Variants in MAN1B1 observed in about 807,000 individuals in gnomAD.
MAN1B1 encodes endoplasmic reticulum mannosyl-oligosaccharide 1,2-alpha-mannosidase.
In MAN1B1, 66 loss-of-function variants were observed where a neutral mutation model predicts 75.5. The observed-to-expected ratio is 0.87, with a 90% CI of 0.72 to 1.07. The LOEUF is 1.07. Ranked by LOEUF, MAN1B1 falls within the 50% of genes least tolerant of loss-of-function variation. The probability of loss-of-function intolerance (pLI) is 0.00; values close to 1 mark genes in which losing one functional copy is unlikely to be tolerated. For missense variants in MAN1B1, 973 were observed against 912.5 expected (o/e 1.07, Z -0.85); for synonymous variants, 453 against 382.8 (o/e 1.18, Z -2.14).
chr9:137,109,132 C>A lies in MAN1B1; in HGVS notation c.*541C>A. On this transcript the variant is annotated 3_prime_UTR_variant, in exon 13 of 13. Transcript: ENST00000371589. Reference sequence around the variant, plus strand: ...CGGCAAGTCCGTCTAGCTCACGGGCCCCTCCAGTGGAATGGGTCTTTTCGG... The same window carrying A: ...CGGCAAGTCCGTCTAGCTCACGGGCACCTCCAGTGGAATGGGTCTTTTCGG... The A allele has an allele frequency of 4.4e-6, 2 of 454,856 alleles. No homozygotes were observed. Among genetic ancestry groups the A allele is most frequent in the South Asian group, 3.1e-5 (2 of 64,474 alleles). 28.2% of individuals were successfully genotyped at this position (454,856 alleles called of 1,614,324 possible).
Position 137,087,135 on chromosome 9 carries a change from C to T in MAN1B1, c.136C>T (p.His46Tyr), listed in dbSNP as rs1442423118. ...VMYPPPPPPP[H>Y]RDFISVTLSF... ...GTACCCACCGCCGCCGCCGCCGCCT[C>T]ATCGGGACTTCATCTCGGTGACGCT... is the stretch of plus-strand genomic sequence containing the variant. Residue 46 changes from histidine (H) to tyrosine (Y), a missense_variant, in exon 1 of 13, where the codon CAT (histidine) becomes TAT (tyrosine). His to Tyr is a moderately conservative substitution (Grantham distance 83, BLOSUM62 2). Transcript: ENST00000371589. 3.1e-6 allele frequency: 5 copies of T among 1,593,870 alleles called. No homozygotes were observed. Among genetic ancestry groups the T allele is most frequent in the South Asian group, 2.3e-5 (2 of 88,096 alleles).
At chr9:137,098,334 A>G (rs1271290445) in intron 5 of MAN1B1, among the ~76,000 whole-genome samples, 1 of 152,202 alleles carries the variant, frequency 6.6e-6, no homozygotes, top group East Asian at 1.9e-4. Context: ...AGCTCAGTGC[A>G]TGACCTGAGG....
Position 137,088,949 on chromosome 9 carries a change from C to T in MAN1B1, c.409C>T (p.Pro137Ser), listed in dbSNP as rs771177123. 13 of 1,613,888 alleles carry T rather than the reference C, an allele frequency of 8.1e-6. No individual in the cohort carries two copies. The highest frequency in any genetic ancestry group is 7.6e-6 in the Non-Finnish European group (9 of 1,180,018). ...GLKPANPPVL[P>S]APQKADTDPE... ...AAAACCAGCAAATCCACCCGTCTTACCAGCTCCTCAGAAGGCGGACACCGA... is the reference window on the plus strand; with the variant it reads ...AAAACCAGCAAATCCACCCGTCTTATCAGCTCCTCAGAAGGCGGACACCGA... The change falls in exon 3 of 13, where the codon CCA becomes TCA. Residue 137 changes from proline to serine, a missense_variant. Coordinates refer to ENST00000371589, the MANE Select transcript of MAN1B1 (RefSeq NM_016219.5).
At chr9:137,108,108 C>T (rs1261920650) in intron 12 of MAN1B1, 6 of 607,684 alleles carry the variant, frequency 9.9e-6, no homozygotes, top group South Asian at 4.0e-5. Flanking sequence ...CCACCGTCTG[C>T]CCTGTGCCCT....
rs771829224 is a variant in MAN1B1, at chr9:137,106,788, C to T, written c.1545C>T (p.His515=). 14 of 1,613,256 alleles carry T rather than the reference C, an allele frequency of 8.7e-6. No individual in the cohort carries two copies. The highest frequency in any genetic ancestry group is 6.7e-5 in the East Asian group (3 of 44,896). ...SKLTFVGELA[H]GRFSAKMDHL... ...TCACCTTTGTGGGGGAGCTTGCCCA[C>T]GGCCGCTTCAGTGCCAAGATGGTGA... Residue 515 remains histidine (H), a synonymous_variant, in exon 10 of 13, where the codon CAC becomes CAT. Coordinates refer to ENST00000371589, the MANE Select transcript of MAN1B1 (RefSeq NM_016219.5).
In MAN1B1 at chr9:137,108,145, C is replaced by T. The variant is rs1391254049; in HGVS notation, c.1897-243C>T. 5 of 612,378 alleles carry T rather than the reference C, an allele frequency of 8.2e-6. No individual in the cohort carries two copies. In the Admixed American group the frequency reaches 1.1e-4, roughly 14 times the overall value. 37.9% of individuals were successfully genotyped at this position (612,378 alleles called of 1,614,324 possible). On this transcript the variant is annotated intron_variant, in intron 12 of 12. Coordinates refer to ENST00000371589, the MANE Select transcript of MAN1B1 (RefSeq NM_016219.5). ...TGCCCTGTGCGGCAACTGTGAGGCC[C>T]CCTGAGCCCAGGTTCTGGGGGAGGC...
rs765646517 is a variant in MAN1B1 at position 137,104,073 on chromosome 9, T to A, written c.1255-2052T>A. On this transcript the variant is annotated intron_variant, in intron 8 of 12. Coordinates refer to ENST00000371589, the MANE Select transcript of MAN1B1 (RefSeq NM_016219.5). ...TTCATGCTGTTGTGCAGCTATCACTTCCATCTCCAGAGCCCTTTTCATCTT... is the reference window on the plus strand; with the variant it reads ...TTCATGCTGTTGTGCAGCTATCACTACCATCTCCAGAGCCCTTTTCATCTT... 207 of 455,340 alleles carry A rather than the reference T, an allele frequency of 4.5e-4. 2 individuals are homozygous for A. Among genetic ancestry groups the A allele is most frequent in the Non-Finnish European group, 8.3e-4 (188 of 225,900 alleles). The allele number at this position is 455,340 out of a possible 1,614,324, so 28.2% of individuals were successfully genotyped here. A position where few individuals can be genotyped will look rare whatever the true frequency, so the allele number is the denominator to read the frequency against.
intron 6 of MAN1B1, among the ~76,000 whole-genome samples, chr9:137,100,232 A>T (rs1830771586): frequency 6.6e-6 from 1 of 152,194 alleles, no homozygotes; most frequent in Non-Finnish European, 1.5e-5. Context: ...TCCTTCATAG[A>T]CCAGCACATC....
chr9:137,099,720 G>A lies in MAN1B1; in HGVS notation c.755G>A (p.Gly252Asp). 1 of 1,614,216 alleles carries A rather than the reference G, an allele frequency of 6.2e-7. No homozygotes were observed. Among genetic ancestry groups the A allele is most frequent in the Middle Eastern group, 1.6e-4 (1 of 6,062 alleles). The change falls in exon 6 of 13, where the codon GGC becomes GAC. Residue 252 changes from glycine (G) to aspartate (D), a missense_variant. Gly to Asp is a moderately conservative substitution (Grantham distance 94). Coordinates refer to ENST00000371589, the MANE Select transcript of MAN1B1 (RefSeq NM_016219.5). ...GTGCATCTGAACTATCGCCAGAAGG[G>A]CGTGATTGACGTCTTCCTGCATGCA... The part of the protein sequence containing the change: ...TPVHLNYRQK[G>D]VIDVFLHAWK...
chr9:137,087,124 C>A lies in MAN1B1; in HGVS notation c.125C>A (p.Pro42Gln), dbSNP rs376329784. ...ATTVVMYPPP[P>Q]PPPHRDFISV... Reference sequence around the variant, plus strand: ...ACTGTAGTCATGTACCCACCGCCGCCGCCGCCGCCTCATCGGGACTTCATC... The same window carrying A: ...ACTGTAGTCATGTACCCACCGCCGCAGCCGCCGCCTCATCGGGACTTCATC... Residue 42 changes from proline to glutamine, a missense_variant, in exon 1 of 13, where the codon CCG becomes CAG. Transcript: ENST00000371589. 6.3e-7 allele frequency: 1 copy of A among 1,592,542 alleles called. No individual in the cohort carries two copies. The highest frequency in any genetic ancestry group is 1.1e-5 in the South Asian group (1 of 87,958).
At chr9:137,107,914 C>T (rs971344132) in intron 12 of MAN1B1, 6 of 653,738 alleles carry the variant, frequency 9.2e-6, no homozygotes, top group African/African-American at 1.8e-5. Flanking sequence ...TTTCTCAGGG[C>T]CTGTCTAGGG....
In MAN1B1 at chr9:137,087,060, A is replaced by G; in HGVS notation, c.61A>G (p.Thr21Ala). 3.7e-6 allele frequency: 6 copies of G among 1,603,866 alleles called. No individual in the cohort carries two copies. The highest frequency in any genetic ancestry group is 3.4e-6 in the Non-Finnish European group (4 of 1,176,972). The change falls in exon 1 of 13, where the codon ACG becomes GCG. Residue 21 changes from threonine (T) to alanine (A), a missense_variant. Thr to Ala is a moderately conservative substitution (Grantham distance 58, BLOSUM62 0). Transcript: ENST00000371589. ...CGGTTCCTCTCAGTCGGACTTCCTG[A>G]CGCCGCCAGTGGGCGGGGCCCCTTG... ...ALGSSQSDFL[T>A]PPVGGAPWAV...
chr9:137,092,881 C>T (rs1317483514), intron 3 of MAN1B1, among the ~76,000 whole-genome samples: 1 of 152,148 alleles, frequency 6.6e-6, no homozygotes, highest in Non-Finnish European at 1.5e-5. Context: ...CTATGTGCTC[C>T]CATCCCGGAA....
chr9:137,090,575 T>C (rs1184933817), intron 3 of MAN1B1, among the ~76,000 whole-genome samples: 1 of 151,938 alleles, frequency 6.6e-6, no homozygotes, highest in Admixed American at 6.5e-5. Context: ...AATCTCACTC[T>C]GTCGCCCAGG....
intron 8 of MAN1B1, chr9:137,105,637 C>A (rs1464738101): frequency 3.0e-6 from 1 of 330,942 alleles, no homozygotes; most frequent in African/African-American, 2.2e-5. Context: ...TGGGCGTAAG[C>A]CCTGAGGAGC....
chr9:137,096,494 A>G, intron 4 of MAN1B1, 103 bp downstream of exon 4: 12 of 1,434,782 alleles, frequency 8.4e-6, no homozygotes, highest in Non-Finnish European at 1.1e-5. Context: ...TTCCTTTGAA[A>G]CTGACAGTGT....
At chr9:137,104,334 A>G in intron 8 of MAN1B1, 2 of 309,280 alleles carry the variant, frequency 6.5e-6, no homozygotes, top group South Asian at 2.9e-5. Flanking sequence ...TCCCAGGTTC[A>G]AGTGATTCTC....
chr9:137,100,962 G>A lies in MAN1B1; in HGVS notation c.917-43G>A. On this transcript the variant is annotated intron_variant, in intron 6 of 12. Transcript: ENST00000371589. ...GGATAGATAATAGGAAAACGTTGGA[G>A]CCATCCATTTGTCTCTGCATCCTTT... is the stretch of plus-strand genomic sequence containing the variant. 4 of 1,611,190 alleles carry A rather than the reference G, an allele frequency of 2.5e-6. No individual in the cohort carries two copies. In the South Asian group the frequency reaches 4.4e-5, roughly 18 times the overall value.
Position 137,107,709 on chromosome 9 carries a change from G to A in MAN1B1, c.1896+47G>A, listed in dbSNP as rs767425888. 6.8e-6 allele frequency: 11 copies of A among 1,610,336 alleles called. No homozygotes were observed. The Admixed American group carries it at 1.8e-4, about 27-fold the overall frequency. On this transcript the variant is annotated intron_variant, in intron 12 of 12. Coordinates refer to ENST00000371589, the MANE Select transcript of MAN1B1 (RefSeq NM_016219.5). Reference sequence around the variant, plus strand: ...GCGTGGTCACGGCCACCGGGCCACAGGCACGGCTGGGCTGTGGGGCTCAGG... The same window carrying A: ...GCGTGGTCACGGCCACCGGGCCACAAGCACGGCTGGGCTGTGGGGCTCAGG...
Sources: gnomAD v4.1 joint callset for allele counts (sites outside exome capture counted in the v4.1 genomes callset) on GRCh38, gnomAD v4.1.1 for gene constraint, MANE v1.5 for transcripts, NCBI Gene and HGNC (gene_info 2026-07-23, HGNC 2026-07-21) for gene names.